The following PAQR6 variants were observed in gnomAD, a reference collection of about 807,000 sequenced individuals.
The protein encoded by PAQR6 is membrane progestin receptor delta.
A neutral mutation model predicts 36.2 loss-of-function variants in PAQR6; 34 were observed. That is an observed-to-expected ratio of 0.94 (90% CI 0.71 to 1.25). PAQR6 has a LOEUF of 1.25. Among genes scored for constraint, PAQR6 ranks in the 50% most tolerant of loss-of-function variants. PAQR6 has a pLI of 0.00. For missense variants in PAQR6, 431 were observed against 445.7 expected (o/e 0.97, Z 0.30); for synonymous variants, 190 against 190.7 (o/e 1.00, Z 0.03).
chr1:156,243,673 TG>T lies in PAQR6; in HGVS notation c.*455del. The T allele has an allele frequency of 4.2e-6, 3 of 721,540 alleles. No homozygotes were observed. Among genetic ancestry groups the T allele is most frequent in the South Asian group, 2.2e-5 (1 of 44,630 alleles). The allele number at this position is 721,540 out of a possible 1,614,324, so 44.7% of individuals were successfully genotyped here. A position where few individuals can be genotyped will look rare whatever the true frequency, so the allele number is the denominator to read the frequency against. ...TGGCAAACTGGCATTACCTGGTTTG[TG>T]GGGATGGGGGGGCAAGTGTGTGGCC... On this transcript the variant is annotated 3_prime_UTR_variant, in exon 8 of 8. Transcript: ENST00000292291.
Position 156,247,942 on chromosome 1 carries a change from G to A in PAQR6, c.-26+15C>T, listed in dbSNP as rs771330512. The A allele has an allele frequency of 6.7e-6, 3 of 448,170 alleles. No individual in the cohort carries two copies. Among genetic ancestry groups the A allele is most frequent in the African/African-American group, 4.1e-5 (2 of 49,358 alleles). The allele number at this position is 448,170 out of a possible 1,614,324, so 27.8% of individuals were successfully genotyped here. A position where few individuals can be genotyped will look rare whatever the true frequency, so the allele number is the denominator to read the frequency against. ...CTATTTTCCCAGAAGAGCCCCAGAA[G>A]GTGAGCTTCCTTACCCAGAGCTTGG... On this transcript the variant is annotated intron_variant, in intron 1 of 7. Transcript: ENST00000292291.
chr1:156,246,806 G>A, intron 1 of PAQR6, 50 bp from the exon 2 acceptor site: 1 of 1,502,534 alleles, frequency 6.7e-7, no homozygotes, highest in Non-Finnish European at 9.1e-7. Flanking sequence ...CCCATCCACA[G>A]GCCCCTTTCA....
At chr1:156,246,024 C>T (rs568293752) in intron 3 of PAQR6, 37 bp from the exon 4 acceptor site, 10 of 1,581,030 alleles carry the variant, frequency 6.3e-6, no homozygotes, top group Admixed American at 1.8e-5. Context: ...CGCGGACCCC[C>T]GCGACTGCCG....
At chr1:156,245,278 C>T (rs1660199184) in intron 5 of PAQR6, 40 bp from the exon 6 acceptor site, 4 of 1,570,244 alleles carry the variant, frequency 2.5e-6, no homozygotes, top group Non-Finnish European at 3.5e-6. Flanking sequence ...CATCGCTGTG[C>T]TTGGGGTAGG....
intron 7 of PAQR6, 112 bp from the exon 8 acceptor site, chr1:156,244,515 G>T: frequency 7.3e-7 from 1 of 1,369,232 alleles, no homozygotes; most frequent in Non-Finnish European, 9.7e-7. Context: ...GACTCCCAGA[G>T]TGACTGAAAG....
intron 5 of PAQR6, 138 bp from the exon 6 acceptor site, chr1:156,245,376 G>C: frequency 7.3e-7 from 1 of 1,378,740 alleles, no homozygotes. Flanking sequence ...ATGACCTCCT[G>C]TGTAAAGGAC....
At chr1:156,247,825 C>A in intron 1 of PAQR6, 132 bp downstream of exon 1, 1 of 323,336 alleles carries the variant, frequency 3.1e-6, no homozygotes, top group Non-Finnish European at 6.5e-6. Context: ...CGGTGCCTTC[C>A]CTTAGTAGTA....
In PAQR6 at chr1:156,244,013, C is replaced by T. The variant is rs370323299; in HGVS notation, c.*116G>A. 92 of 1,614,092 alleles carry T rather than the reference C, an allele frequency of 5.7e-5. No homozygotes were observed. The highest frequency in any genetic ancestry group is 7.7e-5 in the Non-Finnish European group (91 of 1,180,032). On this transcript the variant is annotated 3_prime_UTR_variant, in exon 8 of 8. Coordinates refer to ENST00000292291, the MANE Select transcript of PAQR6 (RefSeq NM_198406.3). ...TCTCTCCTGTGCCCTCTCTCCTCAGCCCCTGTTGGTTCCAGGCTGAGATGC... is the reference window on the plus strand; with the variant it reads ...TCTCTCCTGTGCCCTCTCTCCTCAGTCCCTGTTGGTTCCAGGCTGAGATGC...
chr1:156,246,645 A>ATGGGGGTTGGTGGGTCAGTGGG, intron 2 of PAQR6, 36 bp downstream of exon 2: 1 of 1,606,298 alleles, frequency 6.2e-7, no homozygotes, highest in Non-Finnish European at 8.5e-7. Flanking sequence ...CCTCTAGGGA[A>ATGGGGGTTGGTGGGTCAGTGGG]TGGGGGTTGG....
At position 156,244,335 on chromosome 1, in the gene PAQR6, C is replaced by A. The variant is rs1323031026; in HGVS notation, c.829G>T (p.Ala277Ser). 1 of 1,603,342 alleles carries A rather than the reference C, an allele frequency of 6.2e-7. No homozygotes were observed. The highest frequency in any genetic ancestry group is 1.1e-5 in the South Asian group (1 of 89,876). ...CAGGCTCTGCGTGATCCCATATCAG[C>A]CAGCACTGCCTCCAGCTGGAAGTGG... Reference protein sequence around the residue: ...GTHFQLEAVLADMGSRRAWLA... With the variant: ...GTHFQLEAVLSDMGSRRAWLA... Residue 277 changes from alanine to serine, a missense_variant, in exon 8 of 8, where the codon GCT becomes TCT. Physicochemically the swap from Ala to Ser is moderately conservative, Grantham distance 99 (BLOSUM62 1). Transcript: ENST00000292291.
At position 156,246,184 on chromosome 1, in the gene PAQR6, G is replaced by C; in HGVS notation, c.118C>G (p.Leu40Val). 1 of 1,613,682 alleles carries C rather than the reference G, an allele frequency of 6.2e-7. No homozygotes were observed. The highest frequency in any genetic ancestry group is 1.6e-4 in the Middle Eastern group (1 of 6,062). Residue 40 changes from leucine (L) to valine (V), a missense_variant, in exon 3 of 8, where the codon CTC (leucine) becomes GTC (valine). Physicochemically the swap from Leu to Val is conservative, Grantham distance 32. Transcript: ENST00000292291. Reference sequence around the variant, plus strand: ...TCGTTGGTCATCTGGAAGGAGCTGAGGACACAGTCCAAAGCCGAGCTGGTG... The same window carrying C: ...TCGTTGGTCATCTGGAAGGAGCTGACGACACAGTCCAAAGCCGAGCTGGTG... The part of the protein sequence containing the change: ...RPTSSALDCV[L>V]SSFQMTNETV...
chr1:156,245,695 G>C, intron 4 of PAQR6, 34 bp from the exon 5 acceptor site: 1 of 1,601,576 alleles, frequency 6.2e-7, no homozygotes, highest in Non-Finnish European at 8.5e-7. Context: ...GCTGAGGCCT[G>C]AGGGGCGCGC....
intron 7 of PAQR6, 114 bp from the exon 8 acceptor site, chr1:156,244,517 G>A (rs1659896705): frequency 2.2e-6 from 3 of 1,367,906 alleles, no homozygotes; most frequent in South Asian, 1.5e-5. Flanking sequence ...CTCCCAGAGT[G>A]ACTGAAAGGA....
intron 2 of PAQR6, among the ~76,000 whole-genome samples, 176 bp from the exon 3 acceptor site, chr1:156,246,426 T>C (rs578237356): frequency 7.9e-5 from 12 of 151,094 alleles, no homozygotes; most frequent in African/African-American, 2.4e-4. Flanking sequence ...ACAAAACAAA[T>C]AGGAAACCGA....
rs1311139070 is a variant in PAQR6 at position 156,245,853 on chromosome 1, C to T, written c.314G>A (p.Ser105Asn). The T allele has an allele frequency of 1.2e-6, 2 of 1,605,694 alleles. No homozygotes were observed. The highest frequency in any genetic ancestry group is 1.7e-6 in the Non-Finnish European group (2 of 1,176,788). Residue 105 changes from serine to asparagine, a missense_variant, in exon 4 of 8, where the codon AGC becomes AAC. Coordinates refer to ENST00000292291, the MANE Select transcript of PAQR6 (RefSeq NM_198406.3). The stretch of plus-strand genomic sequence containing the variant: ...GTGGCGCATGCGGGGCGACATGGAG[C>T]TGAAGGTGTGCGCGCAGCACGACGC... ...PFASCCAHTF[S>N]SMSPRMRHIC...
intron 1 of PAQR6, among the ~76,000 whole-genome samples, chr1:156,247,308 T>C (rs1309166217): frequency 6.6e-6 from 1 of 152,198 alleles, no homozygotes; most frequent in African/African-American, 2.4e-5. Flanking sequence ...TTGGGGTCCC[T>C]GCCCCTCCTG....
intron 6 of PAQR6, 108 bp from the exon 7 acceptor site, chr1:156,245,019 T>A: frequency 6.3e-7 from 1 of 1,593,308 alleles, no homozygotes; most frequent in Non-Finnish European, 8.5e-7. Flanking sequence ...CTAGGCGGGG[T>A]GCTGGACCCC....
intron 5 of PAQR6, 21 bp from the exon 6 acceptor site, chr1:156,245,259 G>T: frequency 6.2e-7 from 1 of 1,602,208 alleles, no homozygotes. Flanking sequence ...GGAGGAAAAG[G>T]CCGGTCACCA....
chr1:156,247,783 G>C (rs988777315), intron 1 of PAQR6, 174 bp downstream of exon 1: 26 of 292,192 alleles, frequency 8.9e-5, no homozygotes, highest in African/African-American at 5.4e-4. Flanking sequence ...TGGGGGAGGA[G>C]TGAGGAATAC....
Sources: allele counts gnomAD v4.1 joint callset (sites outside exome capture counted in the v4.1 genomes callset), GRCh38; gene constraint gnomAD v4.1.1; transcripts MANE v1.5; gene names NCBI Gene and HGNC (gene_info 2026-07-23, HGNC 2026-07-21).